CD96: variants seen among roughly 807,000 people sequenced by gnomAD.
CD96 encodes the protein T-cell surface protein tactile.
CD96 carries 70 observed loss-of-function variants against 71.3 expected under a neutral mutation model. The ratio of observed to expected loss-of-function variants is 0.98; its 90% CI spans 0.81 to 1.20. The LOEUF is 1.20. Ranked by LOEUF, CD96 falls within the 50% of genes most tolerant of loss-of-function variation. The probability of loss-of-function intolerance (pLI) is 0.00; values close to 1 mark genes in which losing one functional copy is unlikely to be tolerated. For synonymous variants in CD96, 248 were observed against 233.0 expected, an observed-to-expected ratio of 1.06 and a Z score of -0.59; for missense variants, 742 against 677.5, an observed-to-expected ratio of 1.10 and a Z score of -1.06.
At chr3:111,646,672 TA>T (rs547207933) in intron 12 of CD96, among the ~76,000 whole-genome samples, 65 of 149,894 alleles carry the variant, frequency 4.3e-4, no homozygotes, top group South Asian at 1.9e-3. Flanking sequence ...TCAAAGAACT[TA>T]AAAAAAAAAT....
intron 2 of CD96, among the ~76,000 whole-genome samples, chr3:111,564,880 T>C (rs1231696614): frequency 2.0e-5 from 3 of 152,140 alleles, no homozygotes; most frequent in Non-Finnish European, 4.4e-5. Context: ...ACTTTCTGAG[T>C]GTATTTCCTT....
intron 11 of CD96, 127 bp from the exon 12 acceptor site, chr3:111,637,952 A>G: frequency 1.4e-6 from 1 of 729,802 alleles, no homozygotes; most frequent in East Asian, 2.6e-5. Context: ...CTTTACACAT[A>G]ATATTTAAGG....
intron 2 of CD96, among the ~76,000 whole-genome samples, chr3:111,561,488 C>T (rs1207527429): frequency 6.1e-4 from 86 of 141,268 alleles, no homozygotes; most frequent in South Asian, 1.2e-3. Flanking sequence ...TCAGTGTGCC[C>T]CTGCTGCGGG....
At chr3:111,553,175 T>G (rs1357438749) in intron 2 of CD96, among the ~76,000 whole-genome samples, 2 of 151,800 alleles carry the variant, frequency 1.3e-5, no homozygotes, top group Non-Finnish European at 2.9e-5. Flanking sequence ...TATTTTGTTT[T>G]TTTTTTTAAA....
chr3:111,642,431 C>G (rs1428545338), intron 12 of CD96, among the ~76,000 whole-genome samples: 1 of 152,038 alleles, frequency 6.6e-6, no homozygotes, highest in Admixed American at 6.5e-5. Context: ...TACAACCCAC[C>G]CAGCTTAAAT....
intron 12 of CD96, among the ~76,000 whole-genome samples, chr3:111,646,231 G>A (rs935403448): frequency 8.6e-5 from 13 of 152,014 alleles, no homozygotes; most frequent in Middle Eastern, 3.4e-3. Flanking sequence ...ATCTAACATC[G>A]TGAGATAAAT....
intron 2 of CD96, among the ~76,000 whole-genome samples, chr3:111,547,902 C>A (rs949737155): frequency 3.9e-5 from 6 of 152,102 alleles, no homozygotes; most frequent in Admixed American, 2.6e-4. Flanking sequence ...CAAATGTAAG[C>A]CTGGTACGGA....
intron 8 of CD96, among the ~76,000 whole-genome samples, chr3:111,623,183 T>G: frequency 6.6e-6 from 1 of 152,318 alleles, no homozygotes; most frequent in Non-Finnish European, 1.5e-5. Context: ...TTAATCTACC[T>G]TGCTTTATAT....
At chr3:111,564,918 T>C (rs982576914) in intron 2 of CD96, among the ~76,000 whole-genome samples, 5 of 152,188 alleles carry the variant, frequency 3.3e-5, no homozygotes, top group African/African-American at 1.2e-4. Context: ...TTTACCTAAA[T>C]TGCCTATTTG....
intron 2 of CD96, among the ~76,000 whole-genome samples, chr3:111,552,275 T>TC (rs910465771): frequency 2.0e-5 from 3 of 152,058 alleles, no homozygotes; most frequent in African/African-American, 7.2e-5. Flanking sequence ...TGTGTGTTTG[T>TC]CCCCCTCTTT....
rs568753068 is a variant in CD96, at chr3:111,562,234, C to A, written c.419-5289C>A. The stretch of plus-strand genomic sequence containing the variant: ...CTATTCGGCCATCTTGGCTCCTCCC[C>A]GAATAACAACTTCTTTGAAGTCTCT... On this transcript the variant is annotated intron_variant, in intron 2 of 13. Coordinates refer to ENST00000352690, the MANE Select transcript of CD96 (RefSeq NM_005816.5). Among the ~76,000 whole-genome samples the A allele has an allele frequency of 2.5e-3, 376 of 152,272 alleles. 4 individuals are homozygous for A. Among genetic ancestry groups the A allele is most frequent in the African/African-American group, 8.5e-3 (353 of 41,568 alleles).
chr3:111,643,521 G>A (rs1939689940), intron 12 of CD96, among the ~76,000 whole-genome samples: 1 of 152,150 alleles, frequency 6.6e-6, no homozygotes, highest in Non-Finnish European at 1.5e-5. Flanking sequence ...ATCTAAATCA[G>A]TAAAGAGGAA....
intron 5 of CD96, chr3:111,593,982 G>C (rs773878278): frequency 6.2e-7 from 1 of 1,614,166 alleles, no homozygotes; most frequent in African/African-American, 1.3e-5. Context: ...GTGGCATACT[G>C]GTTGGGATGG....
At chr3:111,649,592 C>G (rs1157075135) in intron 13 of CD96, 106 bp from the exon 14 acceptor site, 1 of 809,594 alleles carries the variant, frequency 1.2e-6, no homozygotes, top group South Asian at 1.4e-5. Context: ...ATGTCTCTTT[C>G]TCATCAATCT....
At position 111,545,031 on chromosome 3, in the gene CD96, G is replaced by C. The variant is rs766368826; in HGVS notation, c.62-15G>C. On this transcript the variant is annotated splice_polypyrimidine_tract_variant and intron_variant, in intron 1 of 13. Transcript: ENST00000352690. ...TGAATTATTTAAACTCATGGCTCAT[G>C]TTCTTTCTTTTCAGGAGTTTGGGAA... 2.0e-5 allele frequency: 32 copies of C among 1,598,596 alleles called. No individual in the cohort carries two copies. The highest frequency in any genetic ancestry group is 2.5e-5 in the Non-Finnish European group (29 of 1,166,228).
Position 111,660,940 on chromosome 3 carries a change from A to G in CD96, c.*53-4587A>G, listed in dbSNP as rs1940338866. Among the ~76,000 whole-genome samples the G allele has an allele frequency of 2.0e-5, 3 of 152,202 alleles. No homozygotes were observed. In the South Asian group the frequency reaches 6.2e-4, roughly 32 times the overall value. On this transcript the variant is annotated intron_variant and NMD_transcript_variant, in intron 14 of 14. Coordinates refer to the CD96 transcript ENST00000494798. ...GAAGAAAATCTAGGAAATACTATTG[A>G]TGACATTGGCCTTTCTACTAGTCCA...
downstream of CD96, among the ~76,000 whole-genome samples, chr3:111,654,193 G>T (rs1940173692): frequency 6.6e-6 from 1 of 152,200 alleles, no homozygotes; most frequent in African/African-American, 2.4e-5. Flanking sequence ...AGCAATCATG[G>T]CTGTGTCAAC....
intron 12 of CD96, among the ~76,000 whole-genome samples, chr3:111,639,918 A>G (rs1939513836): frequency 6.6e-6 from 1 of 152,192 alleles, no homozygotes; most frequent in Non-Finnish European, 1.5e-5. Context: ...AGCCACATCC[A>G]TAGGAAAAGG....
chr3:111,571,244 CA>C (rs1935971837), intron 3 of CD96, among the ~76,000 whole-genome samples: 1 of 144,836 alleles, frequency 6.9e-6, no homozygotes, highest in Non-Finnish European at 1.5e-5. Flanking sequence ...TTGCTCATTT[CA>C]AAAATCTCCA....
Sources: allele counts gnomAD v4.1 joint callset (sites outside exome capture counted in the v4.1 genomes callset), GRCh38; gene constraint gnomAD v4.1.1; transcripts MANE v1.5; gene names NCBI Gene and HGNC (gene_info 2026-07-23, HGNC 2026-07-21).